GREM2: variants seen among roughly 807,000 people sequenced by gnomAD.
GREM2 encodes the protein gremlin-2.
Under a neutral mutation model 14.2 loss-of-function variants are expected in GREM2, and 11 were observed. That is an observed-to-expected ratio of 0.78 (90% CI 0.49 to 1.28). GREM2 has a LOEUF of 1.28. GREM2 is among the 50% of genes most tolerant of loss of function. The probability of loss-of-function intolerance (pLI) is 0.00; values close to 1 mark genes in which losing one functional copy is unlikely to be tolerated. For synonymous variants in GREM2, 98 were observed against 97.6 expected (o/e 1.00, Z -0.02); for missense variants, 210 against 218.5 (o/e 0.96, Z 0.24).
chr1:240,592,952 G>T (rs1679739562), intron 1 of GREM2, among the ~76,000 whole-genome samples: 2 of 150,156 alleles, frequency 1.3e-5, no homozygotes, highest in African/African-American at 5.0e-5. Context: ...TGATCAACAT[G>T]GTGAAACCCC....
At chr1:240,571,749 C>A (rs139293658) in intron 1 of GREM2, among the ~76,000 whole-genome samples, 35 of 152,252 alleles carry the variant, frequency 2.3e-4, no homozygotes, top group African/African-American at 8.2e-4. Context: ...AATTTCTTAT[C>A]TGGCATGTAT....
At chr1:240,522,131 A>C (rs1207190817) in intron 1 of GREM2, among the ~76,000 whole-genome samples, 2 of 151,406 alleles carry the variant, frequency 1.3e-5, no homozygotes, top group South Asian at 2.1e-4. Context: ...AAAAAAAAAA[A>C]AAAACAAAAA....
At chr1:240,526,257 G>T (rs1678219339) in intron 1 of GREM2, among the ~76,000 whole-genome samples, 1 of 152,166 alleles carries the variant, frequency 6.6e-6, no homozygotes, top group African/African-American at 2.4e-5. Flanking sequence ...TACCCAGGTG[G>T]TGGACAATTC....
At position 240,492,785 on chromosome 1, in the gene GREM2, A is replaced by C. The variant is rs1052223207; in HGVS notation, c.*184T>G. 1 of 539,268 alleles carries C rather than the reference A, an allele frequency of 1.9e-6. No individual in the cohort carries two copies. The highest frequency in any genetic ancestry group is 2.8e-6 in the Non-Finnish European group (1 of 362,324). 33.4% of individuals were successfully genotyped at this position (539,268 alleles called of 1,614,324 possible). A position where few individuals can be genotyped will look rare whatever the true frequency, so the allele number is the denominator to read the frequency against. On this transcript the variant is annotated 3_prime_UTR_variant, in exon 2 of 2. Transcript: ENST00000318160. ...ACCCGGGGTCGGTCAGGAACACATCAGCAAAAGCTCCACTTGCGATCCACG... is the reference window on the plus strand; with the variant it reads ...ACCCGGGGTCGGTCAGGAACACATCCGCAAAAGCTCCACTTGCGATCCACG...
rs1401799897 is a variant in GREM2, at chr1:240,492,520, AGAGGTCT to A, written c.*442_*448del. 3.3e-5 allele frequency: 6 copies of A among 180,856 alleles called. No individual in the cohort carries two copies. The highest frequency in any genetic ancestry group is 1.4e-4 in the African/African-American group (6 of 43,220). The allele number at this position is 180,856 out of a possible 1,614,324, so 11.2% of individuals were successfully genotyped here. On this transcript the variant is annotated 3_prime_UTR_variant, in exon 2 of 2. Transcript: ENST00000318160. The stretch of plus-strand genomic sequence containing the variant: ...AGCCAGAGGTCCAGGGACCAGCAGG[AGAGGTCT>A]GAGGGGCCGCTCAGAAAAGTGACGC...
chr1:240,495,684 C>T (rs1677396864), intron 1 of GREM2, among the ~76,000 whole-genome samples: 1 of 152,206 alleles, frequency 6.6e-6, no homozygotes, highest in Non-Finnish European at 1.5e-5. Flanking sequence ...ATCCAGGCAT[C>T]CCGGCTCCAG....
At chr1:240,581,988 C>T (rs551995359) in intron 1 of GREM2, among the ~76,000 whole-genome samples, 1 of 152,338 alleles carries the variant, frequency 6.6e-6, no homozygotes, top group African/African-American at 2.4e-5. Flanking sequence ...CCTGAAGCCT[C>T]ATTAATGCAC....
At chr1:240,584,494 C>CAAA (rs35785335) in intron 1 of GREM2, among the ~76,000 whole-genome samples, 2 of 73,812 alleles carry the variant, frequency 2.7e-5, no homozygotes, top group Admixed American at 1.6e-4. Flanking sequence ...GACTCCATCT[C>CAAA]AAAAAAAAAA....
At position 240,547,513 on chromosome 1, in the gene GREM2, A is replaced by AT. The variant is rs1678761391; in HGVS notation, c.-1-54038_-1-54037insA. Among the ~76,000 whole-genome samples, 210 of 90,616 alleles carry AT rather than the reference A, an allele frequency of 2.3e-3. 1 individual carries two copies. The highest frequency in any genetic ancestry group is 0.011 in the African/African-American group (197 of 18,598). The allele number at this position is 90,616 out of a possible 152,430, so 59.4% of individuals were successfully genotyped here. On this transcript the variant is annotated intron_variant, in intron 1 of 1. Transcript: ENST00000318160. The stretch of plus-strand genomic sequence containing the variant: ...AGACTCCATCTCAAAAAAAAAAAAA[A>AT]AATATATATATATATATATATAGAT...
chr1:240,549,038 G>T (rs1219021255), intron 1 of GREM2, among the ~76,000 whole-genome samples: 1 of 152,056 alleles, frequency 6.6e-6, no homozygotes, highest in Non-Finnish European at 1.5e-5. Flanking sequence ...AGATCAGACT[G>T]TTAAGAAGTA....
chr1:240,559,393 G>C (rs1278451836), intron 1 of GREM2, among the ~76,000 whole-genome samples: 1 of 148,342 alleles, frequency 6.7e-6, no homozygotes, highest in African/African-American at 2.5e-5. Context: ...ACCCAGTGTG[G>C]AGGACAATGG....
intron 1 of GREM2, among the ~76,000 whole-genome samples, chr1:240,578,145 A>T (rs1181480285): frequency 2.0e-5 from 3 of 152,030 alleles, no homozygotes; most frequent in Non-Finnish European, 4.4e-5. Flanking sequence ...AATTTTTTTG[A>T]GACTGAGTCT....
chr1:240,581,844 G>A lies in GREM2; in HGVS notation c.-2+30040C>T, dbSNP rs143734571. On this transcript the variant is annotated intron_variant, in intron 1 of 1. Coordinates refer to ENST00000318160, the MANE Select transcript of GREM2 (RefSeq NM_022469.4). The stretch of plus-strand genomic sequence containing the variant: ...TGTTGATTACAGAATACACTAATAG[G>A]TACACAGAATTTGATTTTGGTGGTT... Among the ~76,000 whole-genome samples, 550 of 152,184 alleles carry A rather than the reference G, an allele frequency of 3.6e-3. 7 individuals carry two copies. The highest frequency in any genetic ancestry group is 0.029 in the Admixed American group (442 of 15,286).
intron 1 of GREM2, among the ~76,000 whole-genome samples, chr1:240,547,439 GCA>G (rs1423591665): frequency 1.3e-5 from 2 of 148,874 alleles, no homozygotes; most frequent in African/African-American, 2.5e-5. Context: ...GGTGGAGGTT[GCA>G]GTGAGCCGAA....
intron 1 of GREM2, among the ~76,000 whole-genome samples, chr1:240,580,265 A>C (rs1032267996): frequency 6.6e-6 from 1 of 152,202 alleles, no homozygotes; most frequent in African/African-American, 2.4e-5. Flanking sequence ...TTAAAGGTGC[A>C]TGTTAATCCT....
chr1:240,541,603 T>A (rs932371956), intron 1 of GREM2, among the ~76,000 whole-genome samples: 1 of 152,214 alleles, frequency 6.6e-6, no homozygotes, highest in Non-Finnish European at 1.5e-5. Context: ...TCTGTTTGGT[T>A]GCGTTAACTC....
chr1:240,497,028 A>C (rs1677437409), intron 1 of GREM2, among the ~76,000 whole-genome samples: 1 of 152,134 alleles, frequency 6.6e-6, no homozygotes, highest in African/African-American at 2.4e-5. Context: ...TCTCAAAAAA[A>C]AAAAATGTTG....
chr1:240,542,583 C>T lies in GREM2; in HGVS notation c.-1-49107G>A, dbSNP rs1678616452. On this transcript the variant is annotated intron_variant, in intron 1 of 1. Transcript: ENST00000318160. This position sits in a 1 kb window ranked among gnomAD's most constrained non-coding sequence, Gnocchi z 4.1. ...TGAGCCAAGATTGTGCCCCTGCACT[C>T]CAGCCTAGTGACAGAGCGAGACTCC... 6.6e-6 allele frequency among the ~76,000 whole-genome samples: 1 copy of T among 151,782 alleles called. No homozygotes were observed. The highest frequency in any genetic ancestry group is 2.1e-4 in the South Asian group (1 of 4,798).
chr1:240,607,327 A>T (rs1310621118), intron 1 of GREM2, among the ~76,000 whole-genome samples: 4 of 150,818 alleles, frequency 2.7e-5, no homozygotes, highest in Non-Finnish European at 5.9e-5. Context: ...CTTAGGTTAA[A>T]TTTTTTTTTT....
Sources: allele counts gnomAD v4.1 joint callset (sites outside exome capture counted in the v4.1 genomes callset), GRCh38; gene constraint gnomAD v4.1.1; non-coding constraint Gnocchi (gnomAD v3.1); transcripts MANE v1.5; gene names NCBI Gene and HGNC (gene_info 2026-07-23, HGNC 2026-07-21).